The following TMEM74B variants were observed in gnomAD, a reference collection of about 807,000 sequenced individuals.
TMEM74B encodes transmembrane protein C20orf46.
In TMEM74B, 7 loss-of-function variants were observed where a neutral mutation model predicts 6.5. The ratio of observed to expected loss-of-function variants is 1.07; its 90% confidence interval spans 0.61 to 2.01. TMEM74B has a LOEUF of 2.01. Ranked by LOEUF, TMEM74B falls within the 30% of genes most tolerant of loss-of-function variation. The probability of loss-of-function intolerance (pLI) is 0.00; values close to 1 mark genes in which losing one functional copy is unlikely to be tolerated. For missense variants in TMEM74B, 342 were observed against 337.0 expected (o/e 1.01, Z -0.12); for synonymous variants, 151 against 151.6 (o/e 1.00, Z 0.03).
In TMEM74B at chr20:1,184,119, C is replaced by T. The variant is rs891413047; in HGVS notation, c.-147-171G>A. ...CACCCTCAGCACCTTCCACCCAACT[C>T]AGCTCCTGGAGTGGCCCAGGAACCC... On this transcript the variant is annotated intron_variant, in intron 1 of 2. Coordinates refer to ENST00000429036, the MANE Select transcript of TMEM74B (RefSeq NM_001304748.2). This position sits in a 1 kb window ranked among gnomAD's most constrained non-coding sequence, Gnocchi z 6.0. 6 of 301,880 alleles carry T rather than the reference C, an allele frequency of 2.0e-5. No individual in the cohort carries two copies. The highest frequency in any genetic ancestry group is 3.1e-5 in the Non-Finnish European group (5 of 162,064). 18.7% of individuals were successfully genotyped at this position (301,880 alleles called of 1,614,324 possible). A position where few individuals can be genotyped will look rare whatever the true frequency, so the allele number is the denominator to read the frequency against.
rs757347582 is a variant in TMEM74B at position 1,181,277 on chromosome 20, G to A, written c.342C>T (p.Pro114=). ...AGCCATAATCCACCGGGCGGCTCACGGGCTCCAGGGCTGGCCCCTCCTCTG... is the reference window on the plus strand; with the variant it reads ...AGCCATAATCCACCGGGCGGCTCACAGGCTCCAGGGCTGGCCCCTCCTCTG... ...LHSEEGPALE[P]VSRPVDYGFV... The change falls in exon 3 of 3, where the codon CCC becomes CCT. Residue 114 remains proline, a synonymous_variant. Coordinates refer to ENST00000429036, the MANE Select transcript of TMEM74B (RefSeq NM_001304748.2). This position sits in a 1 kb window ranked among gnomAD's most constrained non-coding sequence, Gnocchi z 4.9. The A allele has an allele frequency of 1.9e-6, 3 of 1,613,378 alleles. No homozygotes were observed. Among genetic ancestry groups the A allele is most frequent in the East Asian group, 2.2e-5 (1 of 44,886 alleles).
chr20:1,181,737 C>A lies in TMEM74B; in HGVS notation c.32-150G>T, dbSNP rs148034548. On this transcript the variant is annotated intron_variant, in intron 2 of 2. Transcript: ENST00000429036. The surrounding 1 kb of genome is among the most constrained non-coding windows in gnomAD (Gnocchi z 4.9). Reference sequence around the variant, plus strand: ...ACAGAGGGGAAGACAGGGAATAAGACGATGACAGAACAGTGTGATCCAAGC... The same window carrying A: ...ACAGAGGGGAAGACAGGGAATAAGAAGATGACAGAACAGTGTGATCCAAGC... 3 of 903,598 alleles carry A rather than the reference C, an allele frequency of 3.3e-6. No homozygotes were observed. The highest frequency in any genetic ancestry group is 4.5e-6 in the Non-Finnish European group (3 of 668,998). 56.0% of individuals were successfully genotyped at this position (903,598 alleles called of 1,614,324 possible). A position where few individuals can be genotyped will look rare whatever the true frequency, so the allele number is the denominator to read the frequency against.
At position 1,181,575 on chromosome 20, in the gene TMEM74B, G is replaced by A. The variant is rs780901499; in HGVS notation, c.44C>T (p.Pro15Leu). 29 of 1,457,174 alleles carry A rather than the reference G, an allele frequency of 2.0e-5. No individual in the cohort carries two copies. The highest frequency in any genetic ancestry group is 2.4e-5 in the Non-Finnish European group (27 of 1,110,540). 90.3% of individuals were successfully genotyped at this position (1,457,174 alleles called of 1,614,324 possible). A position where few individuals can be genotyped will look rare whatever the true frequency, so the allele number is the denominator to read the frequency against. Residue 15 changes from proline (P) to leucine (L), a missense_variant, in exon 3 of 3, where the codon CCA (proline) becomes CTA (leucine). By Grantham distance (98) the Pro-to-Leu change is moderately conservative. Transcript: ENST00000429036. This position sits in a 1 kb window ranked among gnomAD's most constrained non-coding sequence, Gnocchi z 4.9. ...QGYEFAAAKG[P>L]RDELGPSFPM... Reference sequence around the variant, plus strand: ...GAAGGAGGGCCCCAGCTCATCCCTTGGCCCCTTGGCAGCTGGAAGAGAAAA... The same window carrying A: ...GAAGGAGGGCCCCAGCTCATCCCTTAGCCCCTTGGCAGCTGGAAGAGAAAA...
upstream of TMEM74B, chr20:1,185,480 G>GA (rs1346763885): frequency 1.3e-5 from 2 of 151,424 alleles, no homozygotes; most frequent in Non-Finnish European, 1.5e-5. Flanking sequence ...GGGAGAAGGG[G>GA]CGGGGGCCGG....
rs66669236 is a variant in TMEM74B at position 1,184,621 on chromosome 20, TACACACACAC to T, written c.-477_-468del. ...GTACCCCGTCACACGCACACGCGCG[TACACACACAC>T]ACACACACACACACACACACACACA... On this transcript the variant is annotated 5_prime_UTR_variant, in exon 1 of 3. Coordinates refer to ENST00000429036, the MANE Select transcript of TMEM74B (RefSeq NM_001304748.2). The surrounding 1 kb of genome is among the most constrained non-coding windows in gnomAD (Gnocchi z 6.0). 4,176 of 145,152 alleles carry T rather than the reference TACACACACAC, an allele frequency of 0.029. 111 individuals are homozygous for T. The highest frequency in any genetic ancestry group is 0.085 in the Admixed American group (1,240 of 14,608). The allele number at this position is 145,152 out of a possible 1,614,324, so 9.0% of individuals were successfully genotyped here.
Position 1,180,806 on chromosome 20 carries a change from G to C in TMEM74B, c.*42C>G, listed in dbSNP as rs1452302446. 2 of 1,530,020 alleles carry C rather than the reference G, an allele frequency of 1.3e-6. No homozygotes were observed. Among genetic ancestry groups the C allele is most frequent in the Non-Finnish European group, 1.8e-6 (2 of 1,137,724 alleles). 94.8% of individuals were successfully genotyped at this position (1,530,020 alleles called of 1,614,324 possible). On this transcript the variant is annotated 3_prime_UTR_variant, in exon 3 of 3. Transcript: ENST00000429036. The surrounding 1 kb of genome is among the most constrained non-coding windows in gnomAD (Gnocchi z 6.1). ...TGGGCGGGAGCAGGGGGTGGACCTT[G>C]TAGCACTGGAGCTAAAGCAGCCAGA... is the stretch of plus-strand genomic sequence containing the variant.
chr20:1,182,535 A>AT (rs1568495393), intron 2 of TMEM74B, among the ~76,000 whole-genome samples: 1 of 151,242 alleles, frequency 6.6e-6, no homozygotes, highest in Non-Finnish European at 1.5e-5. Flanking sequence ...TGGGGATGGC[A>AT]TGGCTAAAAG....
chr20:1,186,537 A>C (rs2087023629), upstream of TMEM74B: 1 of 152,136 alleles, frequency 6.6e-6, no homozygotes, highest in Admixed American at 6.5e-5. Context: ...ACTTCTGTCC[A>C]TGAGGATTGT....
chr20:1,182,527 G>GGGATGGCGTGGCTAAAACAGGTTGA (rs1555769306), intron 2 of TMEM74B, among the ~76,000 whole-genome samples: 517 of 152,164 alleles, frequency 3.4e-3, no homozygotes, highest in Non-Finnish European at 5.3e-3. Context: ...CAGCAGGTTG[G>GGGATGGCGTGGCTAAAACAGGTTGA]GGATGGCATG....
chr20:1,181,522 G>C lies in TMEM74B; in HGVS notation c.97C>G (p.Leu33Val). Residue 33 changes from leucine to valine, a missense_variant, in exon 3 of 3, where the codon CTG (leucine) becomes GTG (valine). Leu to Val is a conservative substitution (Grantham distance 32). Coordinates refer to ENST00000429036, the MANE Select transcript of TMEM74B (RefSeq NM_001304748.2). The surrounding 1 kb of genome is among the most constrained non-coding windows in gnomAD (Gnocchi z 4.9). The stretch of plus-strand genomic sequence containing the variant: ...TGGGGACCATTGCTCAGTGTCTTCA[G>C]TTCCAGACCAGGGGGAGATGCCATT... ...FPMASPPGLE[L>V]KTLSNGPQAP... is the part of the protein sequence containing the mutation. 1 of 1,493,256 alleles carries C rather than the reference G, an allele frequency of 6.7e-7. No individual in the cohort carries two copies. The highest frequency in any genetic ancestry group is 1.4e-5 in the South Asian group (1 of 70,798). The allele number at this position is 1,493,256 out of a possible 1,614,324, so 92.5% of individuals were successfully genotyped here. A position where few individuals can be genotyped will look rare whatever the true frequency, so the allele number is the denominator to read the frequency against.
At position 1,183,877 on chromosome 20, in the gene TMEM74B, C is replaced by T. The variant is rs916334046; in HGVS notation, c.-76G>A. ...TTTTATCCAGCTGTTTATCAGCAAC[C>T]GTGAGCACCTTGAGAGCAGGCATAA... is the stretch of plus-strand genomic sequence containing the variant. On this transcript the variant is annotated 5_prime_UTR_variant, in exon 2 of 3. Coordinates refer to ENST00000429036, the MANE Select transcript of TMEM74B (RefSeq NM_001304748.2). 6.4e-7 allele frequency: 1 copy of T among 1,571,782 alleles called. No homozygotes were observed. Among genetic ancestry groups the T allele is most frequent in the Non-Finnish European group, 8.7e-7 (1 of 1,147,896 alleles).
chr20:1,181,166 C>T lies in TMEM74B; in HGVS notation c.453G>A (p.Pro151=), dbSNP rs145626707. ...YAIPREARVN[P]DTVTAREMER... ...CCATCTCCCGCGCTGTCACTGTGTC[C>T]GGATTGACTCGAGCCTCACGGGGGA... The change falls in exon 3 of 3, where the codon CCG becomes CCA. Residue 151 remains proline, a synonymous_variant. Coordinates refer to ENST00000429036, the MANE Select transcript of TMEM74B (RefSeq NM_001304748.2). This position sits in a 1 kb window ranked among gnomAD's most constrained non-coding sequence, Gnocchi z 4.9. The T allele has an allele frequency of 5.8e-5, 94 of 1,614,130 alleles. No homozygotes were observed. The highest frequency in any genetic ancestry group is 1.6e-4 in the Middle Eastern group (1 of 6,062).
upstream of TMEM74B, among the ~76,000 whole-genome samples, chr20:1,188,380 C>T (rs546348797): frequency 1.3e-5 from 2 of 150,860 alleles, no homozygotes; most frequent in Non-Finnish European, 3.0e-5. Flanking sequence ...GAGCCCAGAG[C>T]ATCTGATAGT....
At position 1,182,098 on chromosome 20, in the gene TMEM74B, T is replaced by C. The variant is rs192537840; in HGVS notation, c.32-511A>G. 2.6e-5 allele frequency among the ~76,000 whole-genome samples: 4 copies of C among 151,144 alleles called. No individual in the cohort carries two copies. In the East Asian group the frequency reaches 7.8e-4, roughly 29 times the overall value. On this transcript the variant is annotated intron_variant, in intron 2 of 2. Coordinates refer to ENST00000429036, the MANE Select transcript of TMEM74B (RefSeq NM_001304748.2). ...TGAATAAAATGCCTCCCTCATAAGG[T>C]TGTTGTGAGGATTTCATAAAATAGT...
rs2086839695 is a variant in TMEM74B at position 1,180,801 on chromosome 20, A to G, written c.*47T>C. ...TCAGGTGGGCGGGAGCAGGGGGTGG[A>G]CCTTGTAGCACTGGAGCTAAAGCAG... On this transcript the variant is annotated 3_prime_UTR_variant, in exon 3 of 3. Coordinates refer to ENST00000429036, the MANE Select transcript of TMEM74B (RefSeq NM_001304748.2). This position sits in a 1 kb window ranked among gnomAD's most constrained non-coding sequence, Gnocchi z 6.1. 2.6e-6 allele frequency: 4 copies of G among 1,523,574 alleles called. No individual in the cohort carries two copies. Among genetic ancestry groups the G allele is most frequent in the South Asian group, 1.3e-5 (1 of 76,564 alleles). The allele number at this position is 1,523,574 out of a possible 1,614,324, so 94.4% of individuals were successfully genotyped here. A position where few individuals can be genotyped will look rare whatever the true frequency, so the allele number is the denominator to read the frequency against.
chr20:1,188,853 C>T (rs1295677309), upstream of TMEM74B, among the ~76,000 whole-genome samples: 1 of 152,140 alleles, frequency 6.6e-6, no homozygotes, highest in Non-Finnish European at 1.5e-5. Flanking sequence ...AGAGAAATCT[C>T]CCATGCAGAA....
chr20:1,182,276 C>T (rs1252021861), intron 2 of TMEM74B, among the ~76,000 whole-genome samples: 2 of 151,928 alleles, frequency 1.3e-5, no homozygotes, highest in African/African-American at 2.4e-5. Context: ...AGCCAGATCT[C>T]AGAAGATGAA....
In TMEM74B at chr20:1,184,472, TCAGA is replaced by T. The variant is rs1417043704; in HGVS notation, c.-322_-319del. On this transcript the variant is annotated 5_prime_UTR_variant, in exon 1 of 3. Transcript: ENST00000429036. This position sits in a 1 kb window ranked among gnomAD's most constrained non-coding sequence, Gnocchi z 6.0. ...CACCAGTTACTAATTTCATCTGCAG[TCAGA>T]CAGGTCCTGAAAGGAACACTCCAGT... The T allele has an allele frequency of 4.6e-5, 7 of 152,260 alleles. No homozygotes were observed. The highest frequency in any genetic ancestry group is 1.7e-4 in the African/African-American group (7 of 41,422). 9.4% of individuals were successfully genotyped at this position (152,260 alleles called of 1,614,324 possible).
chr20:1,183,349 T>A (rs1031604945), intron 2 of TMEM74B, among the ~76,000 whole-genome samples: 1 of 151,466 alleles, frequency 6.6e-6, no homozygotes, highest in Non-Finnish European at 1.5e-5. Flanking sequence ...TATGAGCAAA[T>A]GAAGTGAGGA....
Sources: allele counts gnomAD v4.1 joint callset (sites outside exome capture counted in the v4.1 genomes callset), GRCh38; gene constraint gnomAD v4.1.1; non-coding constraint Gnocchi (gnomAD v3.1); transcripts MANE v1.5; gene names NCBI Gene and HGNC (gene_info 2026-07-23, HGNC 2026-07-21).